CFAP299: variants seen among roughly 807,000 people sequenced by gnomAD.
CFAP299 encodes the protein cilia and flagella associated protein 299.
Under a neutral mutation model 27.0 loss-of-function variants are expected in CFAP299, and 21 were observed. That is an observed-to-expected ratio of 0.78 (90% CI 0.55 to 1.12). CFAP299 has a LOEUF of 1.12. Among genes scored for constraint, CFAP299 ranks in the 50% most tolerant of loss-of-function variants. The pLI, the probability that CFAP299 is intolerant of heterozygous loss-of-function variation, is 0.00. For synonymous variants in CFAP299, 104 were observed against 98.1 expected (o/e 1.06, Z -0.36); for missense variants, 310 against 276.6 (o/e 1.12, Z -0.86).
intron 3 of CFAP299, among the ~76,000 whole-genome samples, chr4:80,668,482 T>C (rs944639466): frequency 9.2e-5 from 14 of 152,286 alleles, no homozygotes; most frequent in African/African-American, 2.9e-4. Flanking sequence ...TTAATTTTTG[T>C]GTGAAAGGTG....
intron 3 of CFAP299, among the ~76,000 whole-genome samples, chr4:80,785,139 T>C (rs145695899): frequency 2.1e-5 from 3 of 140,264 alleles, no homozygotes; most frequent in Non-Finnish European, 4.6e-5. Flanking sequence ...TCTTCCTCTA[T>C]GTTTTTTTTT....
intron 3 of CFAP299, among the ~76,000 whole-genome samples, chr4:80,800,498 A>G (rs905187217): frequency 0.21 from 482 of 2,314 alleles, 42 homozygotes; most frequent in South Asian, 0.49. Flanking sequence ...TATAATATAT[A>G]ATATATTATA....
intron 1 of CFAP299, among the ~76,000 whole-genome samples, chr4:80,339,449 T>C (rs957051907): frequency 6.6e-6 from 1 of 152,202 alleles, no homozygotes; most frequent in Admixed American, 6.5e-5. Flanking sequence ...ACTTTTTACA[T>C]AATGCTTGCT....
At chr4:80,551,828 A>T (rs1578587299) in intron 2 of CFAP299, among the ~76,000 whole-genome samples, 1 of 151,704 alleles carries the variant, frequency 6.6e-6, no homozygotes, top group African/African-American at 2.4e-5. Context: ...GCTCACTGCA[A>T]CCTCCGCCTC....
At chr4:80,394,794 T>C (rs1229137034) in intron 2 of CFAP299, among the ~76,000 whole-genome samples, 1 of 152,182 alleles carries the variant, frequency 6.6e-6, no homozygotes, top group Non-Finnish European at 1.5e-5. Context: ...ATGTCTGTTT[T>C]TATGCTGGTA....
At chr4:80,953,711 T>C (rs1330217428) in intron 5 of CFAP299, among the ~76,000 whole-genome samples, 1 of 152,102 alleles carries the variant, frequency 6.6e-6, no homozygotes, top group African/African-American at 2.4e-5. Flanking sequence ...ACACAAGAAA[T>C]GTAAGCTACA....
chr4:80,944,749 C>T, intron 4 of CFAP299, 61 bp from the exon 5 acceptor site: 1 of 1,281,022 alleles, frequency 7.8e-7, no homozygotes, highest in Non-Finnish European at 1.1e-6. Flanking sequence ...AGTTCTTAAA[C>T]TATATTTGTC....
chr4:80,801,338 T>C lies in CFAP299; in HGVS notation c.334-68655T>C, dbSNP rs75044983. Among the ~76,000 whole-genome samples, 48 of 152,150 alleles carry C rather than the reference T, an allele frequency of 3.2e-4. No individual in the cohort carries two copies. In the East Asian group the frequency reaches 8.7e-3, roughly 28 times the overall value. On this transcript the variant is annotated intron_variant, in intron 3 of 5. Transcript: ENST00000358105. ...AAGCATTATGGAATGGAATCTATGA[T>C]TGACACAAATATAATGATGTATTAA...
chr4:80,734,189 G>C (rs1723712231), intron 3 of CFAP299, among the ~76,000 whole-genome samples: 1 of 152,074 alleles, frequency 6.6e-6, no homozygotes, highest in Non-Finnish European at 1.5e-5. Flanking sequence ...TCTCACTGTA[G>C]TTTTGATTTG....
intron 2 of CFAP299, among the ~76,000 whole-genome samples, chr4:80,448,143 C>T (rs1728735125): frequency 6.6e-6 from 1 of 152,216 alleles, no homozygotes; most frequent in Non-Finnish European, 1.5e-5. Flanking sequence ...TATTTCTCCC[C>T]AGTCAAATAA....
intron 3 of CFAP299, among the ~76,000 whole-genome samples, chr4:80,632,965 A>T (rs1232453748): frequency 1.3e-5 from 2 of 152,196 alleles, no homozygotes; most frequent in African/African-American, 2.4e-5. Flanking sequence ...GGGCAATATT[A>T]TGTGATTTTT....
At chr4:80,749,120 A>G (rs980565445) in intron 3 of CFAP299, among the ~76,000 whole-genome samples, 7 of 152,214 alleles carry the variant, frequency 4.6e-5, no homozygotes, top group African/African-American at 1.7e-4. Flanking sequence ...AAAGAGAAAG[A>G]GAATATTCAC....
chr4:80,713,747 C>T (rs1384499611), intron 3 of CFAP299, among the ~76,000 whole-genome samples: 1 of 152,194 alleles, frequency 6.6e-6, no homozygotes, highest in Non-Finnish European at 1.5e-5. Context: ...ATTCACTATG[C>T]TATGCAACCA....
chr4:80,441,300 A>G (rs1044635252), intron 2 of CFAP299, among the ~76,000 whole-genome samples: 2 of 152,238 alleles, frequency 1.3e-5, no homozygotes, highest in East Asian at 3.8e-4. Flanking sequence ...AAGGGCAGCC[A>G]GAGAGGAAGG....
chr4:80,848,845 T>A (rs1006722719), intron 3 of CFAP299, among the ~76,000 whole-genome samples: 11 of 152,124 alleles, frequency 7.2e-5, no homozygotes, highest in African/African-American at 2.7e-4. Flanking sequence ...TATAAGGCAC[T>A]TACCATGAAT....
At chr4:80,343,108 C>G (rs191961317) in intron 1 of CFAP299, among the ~76,000 whole-genome samples, 119 of 152,252 alleles carry the variant, frequency 7.8e-4, no homozygotes, top group Non-Finnish European at 1.3e-3. Flanking sequence ...AAGGGTTCAA[C>G]TCAATAAGAA....
Position 80,941,658 on chromosome 4 carries a change from T to TA in CFAP299, c.477-3145dup, listed in dbSNP as rs576057251. ...AACATCTGAGACTGGGTCATTTATT[T>TA]AAAAAAACAAAACAAAACAAAACAA... On this transcript the variant is annotated intron_variant, in intron 4 of 5. Coordinates refer to ENST00000358105, the MANE Select transcript of CFAP299 (RefSeq NM_152770.3). Among the ~76,000 whole-genome samples the TA allele has an allele frequency of 4.1e-3, 619 of 151,324 alleles. 1 individual carries two copies. The highest frequency in any genetic ancestry group is 0.014 in the Middle Eastern group (4 of 294).
intron 2 of CFAP299, among the ~76,000 whole-genome samples, chr4:80,518,468 G>A (rs150104711): frequency 6.6e-6 from 1 of 152,242 alleles, no homozygotes; most frequent in Non-Finnish European, 1.5e-5. Flanking sequence ...GTTCCGTACA[G>A]GAGAACCAAG....
At chr4:80,954,359 C>A in intron 5 of CFAP299, among the ~76,000 whole-genome samples, 1 of 152,068 alleles carries the variant, frequency 6.6e-6, no homozygotes. Context: ...CTCATAATTT[C>A]TCAAAAATTG....
Sources: gnomAD v4.1 joint callset for allele counts (sites outside exome capture counted in the v4.1 genomes callset) on GRCh38, gnomAD v4.1.1 for gene constraint, MANE v1.5 for transcripts, NCBI Gene and HGNC (gene_info 2026-07-23, HGNC 2026-07-21) for gene names.